The following GSE1 variants were observed in gnomAD, a reference collection of about 807,000 sequenced individuals.
GSE1 encodes the protein genetic suppressor element 1.
GSE1 carries 32 observed loss-of-function variants against 112.6 expected under a neutral mutation model. The observed-to-expected ratio is 0.28, with a 90% CI of 0.21 to 0.38. The LOEUF is 0.38. GSE1 is among the 10% of genes least tolerant of loss of function. The pLI is 1.00. For missense variants in GSE1, 2,348 were observed against 1,699.2 expected (o/e 1.38, Z -6.71); for synonymous variants, 1,115 against 735.6 (o/e 1.52, Z -8.35).
intron 2 of GSE1, among the ~76,000 whole-genome samples, chr16:85,493,354 G>A (rs1441394619): frequency 6.6e-6 from 1 of 152,062 alleles, no homozygotes; most frequent in Non-Finnish European, 1.5e-5. Context: ...GCCAAGGCAG[G>A]AGGATTGCTT....
intron 1 of GSE1, among the ~76,000 whole-genome samples, chr16:85,206,001 TCA>T (rs2075108311): frequency 6.6e-6 from 1 of 151,956 alleles, no homozygotes; most frequent in African/African-American, 2.4e-5. Context: ...GGTGGCCAAA[TCA>T]CACAAACAAA....
At chr16:85,378,503 A>G (rs1169803618) in intron 2 of GSE1, among the ~76,000 whole-genome samples, 1 of 152,184 alleles carries the variant, frequency 6.6e-6, no homozygotes, top group Admixed American at 6.5e-5. Flanking sequence ...CCCCAGGGCC[A>G]GAGAGACCCC....
exon 1 of GSE1, chr16:85,170,208 G>A: frequency 3.0e-6 from 3 of 985,252 alleles, no homozygotes; most frequent in Non-Finnish European, 3.6e-6. Context: ...CAGAGGCCTC[G>A]GCGCAGGGGC....
intron 2 of GSE1, among the ~76,000 whole-genome samples, chr16:85,489,532 C>A (rs968340123): frequency 1.3e-5 from 2 of 152,186 alleles, no homozygotes; most frequent in African/African-American, 4.8e-5. Context: ...AGACACACAG[C>A]CAGTGCCCAC....
intron 2 of GSE1, among the ~76,000 whole-genome samples, chr16:85,528,638 T>TTTTTGTTTTGTTTTGTTTTG (rs71151301): frequency 6.9e-6 from 1 of 145,082 alleles, no homozygotes; most frequent in Admixed American, 6.9e-5. Flanking sequence ...GGATTGCTGT[T>TTTTTGTTTTGTTTTGTTTTG]TTTTGTTTTG....
intron 1 of GSE1, among the ~76,000 whole-genome samples, chr16:85,630,925 T>G (rs1041434655): frequency 6.6e-6 from 1 of 152,114 alleles, no homozygotes; most frequent in African/African-American, 2.4e-5. Context: ...TCAGCTGCTG[T>G]GGCCTCTCCT....
chr16:85,354,454 T>G (rs1440809052), intron 1 of GSE1, among the ~76,000 whole-genome samples: 1 of 152,254 alleles, frequency 6.6e-6, no homozygotes, highest in Non-Finnish European at 1.5e-5. Flanking sequence ...TTTGTTCCAG[T>G]GCTGAGTTGA....
intron 2 of GSE1, among the ~76,000 whole-genome samples, chr16:85,638,115 C>G (rs1005363087): frequency 6.6e-6 from 1 of 152,212 alleles, no homozygotes; most frequent in Non-Finnish European, 1.5e-5. Flanking sequence ...GCACGCCTGA[C>G]GACTTCTGGA....
At position 85,613,359 on chromosome 16, in the gene GSE1, G is replaced by GT; in HGVS notation, c.-32dup. 1 of 1,569,188 alleles carries GT rather than the reference G, an allele frequency of 6.4e-7. No homozygotes were observed. The highest frequency in any genetic ancestry group is 1.2e-5 in the South Asian group (1 of 85,516). On this transcript the variant is annotated 5_prime_UTR_variant, in exon 1 of 16. Coordinates refer to ENST00000253458, the MANE Select transcript of GSE1 (RefSeq NM_014615.5). ...CACTGGGCGACGGTGGCTCCAGCATGTATCAGCCGAGGTGGAGCTGCGGGG... is the reference window on the plus strand; with the variant it reads ...CACTGGGCGACGGTGGCTCCAGCATGTTATCAGCCGAGGTGGAGCTGCGGGG...
intron 2 of GSE1, among the ~76,000 whole-genome samples, chr16:85,423,764 A>G (rs1456681212): frequency 2.6e-5 from 4 of 151,258 alleles, no homozygotes; most frequent in Non-Finnish European, 4.4e-5. Flanking sequence ...CCATCCATCC[A>G]CTCTCCCACC....
intron 2 of GSE1, among the ~76,000 whole-genome samples, chr16:85,493,790 C>CAAAAAAAA (rs61555687): frequency 2.4e-5 from 2 of 84,424 alleles, no homozygotes. Context: ...GACTCCGTCT[C>CAAAAAAAA]AAAAAAAAAA....
At chr16:85,470,927 A>C (rs2050274637) in intron 2 of GSE1, among the ~76,000 whole-genome samples, 1 of 152,254 alleles carries the variant, frequency 6.6e-6, no homozygotes, top group South Asian at 2.1e-4. Context: ...GTGAATTTTT[A>C]ATAGTGATTA....
At chr16:85,193,563 G>T (rs1004859019) in intron 1 of GSE1, among the ~76,000 whole-genome samples, 1 of 152,036 alleles carries the variant, frequency 6.6e-6, no homozygotes, top group Non-Finnish European at 1.5e-5. Context: ...GGGTTCAAGC[G>T]ATTCTCCTGC....
At chr16:85,284,966 G>T (rs982455118) in intron 1 of GSE1, 1 of 152,210 alleles carries the variant, frequency 6.6e-6, no homozygotes, top group Non-Finnish European at 1.5e-5. Flanking sequence ...GAAAATCGCC[G>T]CTTACAAATA....
At chr16:85,398,723 A>T (rs1228544913) in intron 2 of GSE1, among the ~76,000 whole-genome samples, 1 of 152,138 alleles carries the variant, frequency 6.6e-6, no homozygotes, top group Non-Finnish European at 1.5e-5. Flanking sequence ...AGGAGAGAGA[A>T]TGTAACTTTA....
intron 1 of GSE1, among the ~76,000 whole-genome samples, chr16:85,281,349 C>T (rs944556283): frequency 3.3e-5 from 5 of 151,930 alleles, no homozygotes; most frequent in Admixed American, 6.6e-5. Context: ...CTCCAAACCC[C>T]GGCCACCAGC....
chr16:85,666,944 T>G (rs891834343), intron 13 of GSE1, among the ~76,000 whole-genome samples: 3 of 152,252 alleles, frequency 2.0e-5, no homozygotes, highest in African/African-American at 7.2e-5. Flanking sequence ...GGTACTACAT[T>G]GAATCCATGC....
At chr16:85,418,624 G>A (rs983168056) in intron 2 of GSE1, among the ~76,000 whole-genome samples, 7 of 152,306 alleles carry the variant, frequency 4.6e-5, no homozygotes, top group South Asian at 2.1e-4. Flanking sequence ...TCTGTGGGAC[G>A]TTGGGGACAG....
intron 1 of GSE1, among the ~76,000 whole-genome samples, chr16:85,313,227 C>T (rs772216486): frequency 1.3e-5 from 2 of 152,300 alleles, no homozygotes; most frequent in African/African-American, 2.4e-5. Context: ...GCAGCACCTG[C>T]GTGGGGTCAG....
Sources: allele counts gnomAD v4.1 joint callset (sites outside exome capture counted in the v4.1 genomes callset), GRCh38; gene constraint gnomAD v4.1.1; transcripts MANE v1.5; gene names NCBI Gene and HGNC (gene_info 2026-07-23, HGNC 2026-07-21).